ITFG1: variants seen among roughly 807,000 people sequenced by gnomAD.
ITFG1 encodes the protein T-cell immunomodulatory protein.
Under a neutral mutation model 81.8 loss-of-function variants are expected in ITFG1, and 34 were observed. That is an observed-to-expected ratio of 0.42 (90% CI 0.32 to 0.55). The LOEUF (loss-of-function observed/expected upper bound fraction) is 0.55. Among genes scored for constraint, ITFG1 ranks in the 20% least tolerant of loss-of-function variants. The probability of loss-of-function intolerance (pLI) is 0.17; values close to 1 mark genes in which losing one functional copy is unlikely to be tolerated. For missense variants in ITFG1, 672 were observed against 755.4 expected, an observed-to-expected ratio of 0.89 and a Z score of 1.29; for synonymous variants, 285 against 270.6, an observed-to-expected ratio of 1.05 and a Z score of -0.52.
At chr16:47,161,715 T>C (rs2151506463) in intron 16 of ITFG1, 35 bp downstream of exon 16, 1 of 1,268,636 alleles carries the variant, frequency 7.9e-7, no homozygotes. Context: ...GAGTTAGCAG[T>C]GTCTTTACCA....
chr16:47,423,928 G>C (rs932449552), intron 6 of ITFG1, among the ~76,000 whole-genome samples: 1 of 152,208 alleles, frequency 6.6e-6, no homozygotes, highest in Non-Finnish European at 1.5e-5. Context: ...TTCTCAAGGA[G>C]TATCTTTGTG....
At chr16:47,422,673 G>A (rs187261945) in intron 6 of ITFG1, among the ~76,000 whole-genome samples, 1 of 152,278 alleles carries the variant, frequency 6.6e-6, no homozygotes, top group Non-Finnish European at 1.5e-5. Context: ...TTCCAAGCCT[G>A]TTATCGGTCT....
chr16:47,411,825 C>T (rs544525862), intron 6 of ITFG1, among the ~76,000 whole-genome samples: 10 of 152,138 alleles, frequency 6.6e-5, no homozygotes, highest in African/African-American at 9.7e-5. Context: ...AATCACAGAG[C>T]GCTCTTGCAA....
chr16:47,456,835 C>T (rs1218556316), intron 2 of ITFG1, among the ~76,000 whole-genome samples: 2 of 151,878 alleles, frequency 1.3e-5, no homozygotes, highest in Non-Finnish European at 2.9e-5. Flanking sequence ...GGGAAATTCC[C>T]CACATAGTAA....
intron 10 of ITFG1, among the ~76,000 whole-genome samples, chr16:47,304,214 G>A (rs1057095035): frequency 6.6e-6 from 1 of 152,180 alleles, no homozygotes; most frequent in African/African-American, 2.4e-5. Flanking sequence ...TGGAATTAAA[G>A]TCATCGCTCA....
chr16:47,453,938 A>T, intron 3 of ITFG1, 75 bp downstream of exon 3: 1 of 958,924 alleles, frequency 1.0e-6, no homozygotes, highest in Non-Finnish European at 1.6e-6. Context: ...TTTTGAACTG[A>T]TTTCAGAACA....
intron 14 of ITFG1, among the ~76,000 whole-genome samples, chr16:47,169,687 C>T (rs548657980): frequency 3.9e-5 from 6 of 152,024 alleles, no homozygotes; most frequent in Non-Finnish European, 5.9e-5. Context: ...TTTTTCTGGC[C>T]GAATTGCTAA....
In ITFG1 at chr16:47,155,722, C is replaced by G. The variant is rs1166167776; in HGVS notation, c.1836G>C (p.Met612Ile). Residue 612 changes from methionine (M) to isoleucine (I), a missense_variant, in exon 18 of 18, where the codon ATG becomes ATC. This residue lies in a region of ITFG1 where 65 missense variants were observed against 103.3 expected (regional missense o/e 0.63). Transcript: ENST00000320640. ...ATTATGTAATATTAAAGGCAAGTCA[C>G]ATAGCATCAAAATGAAACCGGTGGG... ...QEAHRFHFDA[M>I] 1.2e-6 allele frequency: 2 copies of G among 1,603,938 alleles called. No individual in the cohort carries two copies. Among genetic ancestry groups the G allele is most frequent in the South Asian group, 2.2e-5 (2 of 89,778 alleles).
chr16:47,451,066 T>C (rs906363784), intron 5 of ITFG1, among the ~76,000 whole-genome samples: 1 of 152,210 alleles, frequency 6.6e-6, no homozygotes, highest in African/African-American at 2.4e-5. Flanking sequence ...ACTAAGGTAC[T>C]AAGATAGGGA....
chr16:47,351,243 T>A (rs1967949573), intron 8 of ITFG1, among the ~76,000 whole-genome samples: 1 of 152,176 alleles, frequency 6.6e-6, no homozygotes, highest in Non-Finnish European at 1.5e-5. Flanking sequence ...ATAAAGGGTA[T>A]TCAATTAGGA....
chr16:47,422,611 C>T (rs909068716), intron 6 of ITFG1, among the ~76,000 whole-genome samples: 3 of 152,130 alleles, frequency 2.0e-5, no homozygotes, highest in African/African-American at 7.2e-5. Context: ...GCTGTGAGTC[C>T]GTCTAGTCCT....
intron 10 of ITFG1, among the ~76,000 whole-genome samples, chr16:47,302,380 ATTT>A (rs755492872): frequency 1.4e-5 from 2 of 145,044 alleles, no homozygotes; most frequent in African/African-American, 2.5e-5. Flanking sequence ...CATTTTTGGT[ATTT>A]TTTTTTTTTT....
chr16:47,170,066 G>A (rs1373559966), intron 14 of ITFG1, among the ~76,000 whole-genome samples: 2 of 152,182 alleles, frequency 1.3e-5, no homozygotes, highest in Non-Finnish European at 2.9e-5. Context: ...TACTTTTAAT[G>A]TGCTGCTGGA....
intron 14 of ITFG1, among the ~76,000 whole-genome samples, chr16:47,174,427 A>T (rs1964998366): frequency 6.6e-6 from 1 of 152,070 alleles, no homozygotes; most frequent in South Asian, 2.1e-4. Flanking sequence ...GTCACTGAAA[A>T]CTTACCTTTC....
At chr16:47,181,112 G>T (rs1436635358) in intron 14 of ITFG1, among the ~76,000 whole-genome samples, 1 of 148,264 alleles carries the variant, frequency 6.7e-6, no homozygotes, top group Non-Finnish European at 1.5e-5. Context: ...CTGCCCGGCC[G>T]CCCATCGTCT....
chr16:47,403,291 A>G (rs1017992320), intron 6 of ITFG1, among the ~76,000 whole-genome samples: 4 of 151,810 alleles, frequency 2.6e-5, no homozygotes, highest in African/African-American at 9.7e-5. Flanking sequence ...GGAAGCAACC[A>G]GATAAAGCCA....
chr16:47,413,240 T>G (rs1176110386), intron 6 of ITFG1, among the ~76,000 whole-genome samples: 1 of 152,178 alleles, frequency 6.6e-6, no homozygotes, highest in Non-Finnish European at 1.5e-5. Flanking sequence ...AACCAAGAAT[T>G]TGATATTCTG....
chr16:47,361,371 TG>T (rs1030234460), intron 8 of ITFG1, among the ~76,000 whole-genome samples: 9 of 152,304 alleles, frequency 5.9e-5, no homozygotes, highest in Admixed American at 2.6e-4. Flanking sequence ...CATACAAAAT[TG>T]ATACCCATTT....
At chr16:47,461,163 G>C (rs894523651), upstream of ITFG1, 47 of 1,109,514 alleles carry the variant, frequency 4.2e-5, no homozygotes, top group African/African-American at 6.2e-4. Flanking sequence ...AGCCGCTGCC[G>C]GCTCCTTTTT....
Sources: allele counts gnomAD v4.1 joint callset (sites outside exome capture counted in the v4.1 genomes callset), GRCh38; gene constraint gnomAD v4.1.1; regional missense constraint gnomAD v4.1.1; transcripts MANE v1.5; gene names NCBI Gene and HGNC (gene_info 2026-07-23, HGNC 2026-07-21).